The following SDK2 variants were observed in gnomAD, a reference collection of about 807,000 sequenced individuals.
SDK2 encodes the protein sidekick cell adhesion molecule 2.
Under a neutral mutation model 253.9 loss-of-function variants are expected in SDK2, and 105 were observed. The observed-to-expected ratio is 0.41, with a 90% confidence interval of 0.35 to 0.49. The LOEUF (loss-of-function observed/expected upper bound fraction) is 0.49. Ranked by LOEUF, SDK2 falls within the 20% of genes least tolerant of loss-of-function variation. The pLI is 0.06. For synonymous variants in SDK2, 1,249 were observed against 1,234.9 expected, an observed-to-expected ratio of 1.01 and a Z score of -0.24; for missense variants, 2,608 against 3,003.0, an observed-to-expected ratio of 0.87 and a Z score of 3.07.
chr17:73,355,635 C>A (rs12603856), intron 40 of SDK2, among the ~76,000 whole-genome samples: 52,905 of 152,056 alleles, frequency 0.35, 10,246 homozygotes, highest in East Asian at 0.67. Context: ...CGTGAGCCAC[C>A]GTGCCTGACC....
rs530289357 is a variant in SDK2 at position 73,402,211 on chromosome 17, G to T, written c.2485-70C>A. 3.3e-6 allele frequency: 5 copies of T among 1,502,520 alleles called. No individual in the cohort carries two copies. In the South Asian group the frequency reaches 3.7e-5, roughly 11 times the overall value. The allele number at this position is 1,502,520 out of a possible 1,614,324, so 93.1% of individuals were successfully genotyped here. On this transcript the variant is annotated intron_variant, in intron 18 of 44. Transcript: ENST00000392650. ...AGAGGAGGCCAAGCCCTCTCCCACA[G>T]GCTGGGCCAATCAACAGATGGTGTC... is the stretch of plus-strand genomic sequence containing the variant.
chr17:73,537,415 T>G (rs1036437221), intron 1 of SDK2, among the ~76,000 whole-genome samples: 1 of 152,190 alleles, frequency 6.6e-6, no homozygotes, highest in Non-Finnish European at 1.5e-5. Context: ...CTGCCTTCGA[T>G]TCCCACTTTG....
chr17:73,456,044 C>G lies in SDK2; in HGVS notation c.341G>C (p.Ser114Thr). Residue 114 changes from serine (S) to threonine (T), a missense_variant, in exon 4 of 45, where the codon AGC becomes ACC. Transcript: ENST00000392650. ...QTEVQVAYMG[S>T]FEEGEKHQSV... ...CTGGTGCTTCTCACCTTCCTCAAAG[C>G]TCCCCATGTCTGCAGCCGGGACAAC... is the stretch of plus-strand genomic sequence containing the variant. 1 of 1,501,564 alleles carries G rather than the reference C, an allele frequency of 6.7e-7. No homozygotes were observed. The highest frequency in any genetic ancestry group is 8.9e-7 in the Non-Finnish European group (1 of 1,118,034). The allele number at this position is 1,501,564 out of a possible 1,614,324, so 93.0% of individuals were successfully genotyped here.
At chr17:73,513,913 A>G (rs557852566) in intron 1 of SDK2, 1 of 152,210 alleles carries the variant, frequency 6.6e-6, no homozygotes, top group Non-Finnish European at 1.5e-5. Context: ...TTGTATTGGC[A>G]CAGGCTTTTT....
At position 73,467,969 on chromosome 17, in the gene SDK2, G is replaced by C. The variant is rs75464527; in HGVS notation, c.331+4143C>G. Among the ~76,000 whole-genome samples the C allele has an allele frequency of 3.3e-5, 5 of 152,284 alleles. No homozygotes were observed. The highest frequency in any genetic ancestry group is 1.2e-4 in the African/African-American group (5 of 41,556). Reference sequence around the variant, plus strand: ...CCAAGGTGTCCTATTCCTTTGCCAGGGGCCTTACCCATATGTGCACAGCTG... The same window carrying C: ...CCAAGGTGTCCTATTCCTTTGCCAGCGGCCTTACCCATATGTGCACAGCTG... On this transcript the variant is annotated intron_variant, in intron 3 of 44. Coordinates refer to ENST00000392650, the MANE Select transcript of SDK2 (RefSeq NM_001144952.2). The surrounding 1 kb of genome is among the most constrained non-coding windows in gnomAD (Gnocchi z 4.1).
chr17:73,378,888 A>G (rs914505231), intron 36 of SDK2, among the ~76,000 whole-genome samples: 5 of 152,114 alleles, frequency 3.3e-5, no homozygotes, highest in Non-Finnish European at 7.4e-5. Flanking sequence ...TGCTGCTCAG[A>G]GATGGTACGA....
chr17:73,429,329 A>C (rs1310549559), intron 12 of SDK2, among the ~76,000 whole-genome samples: 2 of 152,210 alleles, frequency 1.3e-5, no homozygotes, highest in Non-Finnish European at 2.9e-5. Context: ...TCTCAGTCAA[A>C]AATCTTCTAA....
chr17:73,404,904 G>T (rs2063058383), intron 18 of SDK2, among the ~76,000 whole-genome samples: 1 of 151,970 alleles, frequency 6.6e-6, no homozygotes, highest in African/African-American at 2.4e-5. Flanking sequence ...GATGGAGGGT[G>T]TTGGGGGAGG....
intron 1 of SDK2, among the ~76,000 whole-genome samples, chr17:73,558,677 G>C (rs1223368042): frequency 6.6e-6 from 1 of 152,086 alleles, no homozygotes; most frequent in Admixed American, 6.6e-5. Context: ...AGAAACCAAG[G>C]CCCAATGAGA....
chr17:73,400,053 T>C (rs2063009574), intron 21 of SDK2, among the ~76,000 whole-genome samples: 1 of 152,210 alleles, frequency 6.6e-6, no homozygotes, highest in Non-Finnish European at 1.5e-5. Flanking sequence ...TAATTATCAC[T>C]GGGCTTTGGC....
At chr17:73,558,297 T>G (rs2045175683) in intron 1 of SDK2, among the ~76,000 whole-genome samples, 1 of 152,206 alleles carries the variant, frequency 6.6e-6, no homozygotes, top group Admixed American at 6.5e-5. Context: ...CCTAGGGTTC[T>G]GCCAGATTTC....
rs1053494184 is a variant in SDK2 at position 73,402,961 on chromosome 17, C to A, written c.2485-820G>T. 2.0e-5 allele frequency among the ~76,000 whole-genome samples: 3 copies of A among 152,158 alleles called. No individual in the cohort carries two copies. In the South Asian group the frequency reaches 6.2e-4, roughly 32 times the overall value. The stretch of plus-strand genomic sequence containing the variant: ...TACAGACATGCACCACCATGCCCGG[C>A]TAATTTTTGTATTTTTAGTAGAGAT... On this transcript the variant is annotated intron_variant, in intron 18 of 44. Transcript: ENST00000392650.
chr17:73,489,634 G>C (rs1393551534), intron 2 of SDK2, among the ~76,000 whole-genome samples: 2 of 152,184 alleles, frequency 1.3e-5, no homozygotes, highest in Admixed American at 6.5e-5. Context: ...ACAGTCTCCA[G>C]GTTCTTCCCT....
Position 73,473,305 on chromosome 17 carries a change from T to G in SDK2, c.225-1087A>C, listed in dbSNP as rs183554725. 2.3e-4 allele frequency among the ~76,000 whole-genome samples: 35 copies of G among 152,324 alleles called. 1 individual carries two copies. Among genetic ancestry groups the G allele is most frequent in the Admixed American group, 2.1e-3 (32 of 15,292 alleles). On this transcript the variant is annotated intron_variant, in intron 2 of 44. Transcript: ENST00000392650. ...GAGGCACGTCAGTGAGAGGAGCTTC[T>G]GACAGTGGGACAGGAGTGGATGAAG...
chr17:73,405,450 A>ACC (rs2063064647), intron 18 of SDK2, among the ~76,000 whole-genome samples: 1 of 116,536 alleles, frequency 8.6e-6, no homozygotes, highest in African/African-American at 3.2e-5. Flanking sequence ...AAAAAAAAAA[A>ACC]AAAACAAACA....
chr17:73,604,371 G>A (rs1044313881), intron 1 of SDK2, among the ~76,000 whole-genome samples: 2 of 152,220 alleles, frequency 1.3e-5, no homozygotes, highest in African/African-American at 4.8e-5. Context: ...AACAAACTCA[G>A]GGCACAGGGA....
chr17:73,337,437 G>C lies in SDK2; in HGVS notation c.*1150C>G, dbSNP rs1443744243. 2.6e-5 allele frequency: 4 copies of C among 152,098 alleles called. No homozygotes were observed. The highest frequency in any genetic ancestry group is 9.7e-5 in the African/African-American group (4 of 41,352). 9.4% of individuals were successfully genotyped at this position (152,098 alleles called of 1,614,324 possible). On this transcript the variant is annotated 3_prime_UTR_variant, in exon 45 of 45. Transcript: ENST00000392650. ...TGAAAGTGAGTGTGCTGTCTGGCTA[G>C]GAGGGCCCAGATGAGTTTGTTCTGG...
chr17:73,578,100 C>G (rs899839523), intron 1 of SDK2, among the ~76,000 whole-genome samples: 1 of 150,824 alleles, frequency 6.6e-6, no homozygotes, highest in Non-Finnish European at 1.5e-5. Flanking sequence ...CGCTCTGTCA[C>G]CCAGGCTGGA....
intron 44 of SDK2, among the ~76,000 whole-genome samples, chr17:73,347,773 C>T (rs2062497385): frequency 8.4e-6 from 1 of 118,694 alleles, no homozygotes; most frequent in Non-Finnish European, 1.9e-5. Context: ...GGAATACACA[C>T]AGCCCCTTCC....
Sources: gnomAD v4.1 joint callset for allele counts (sites outside exome capture counted in the v4.1 genomes callset) on GRCh38, gnomAD v4.1.1 for gene constraint, Gnocchi (gnomAD v3.1) non-coding constraint, MANE v1.5 for transcripts, NCBI Gene and HGNC (gene_info 2026-07-23, HGNC 2026-07-21) for gene names.